The following CACNA1H variants were observed in gnomAD, a reference collection of about 807,000 sequenced individuals.
CACNA1H encodes calcium voltage-gated channel subunit alpha1 H, also known as voltage-dependent T-type calcium channel subunit alpha-1H.
A neutral mutation model predicts 192.5 loss-of-function variants in CACNA1H; 149 were observed. The ratio of observed to expected loss-of-function variants is 0.77; its 90% CI spans 0.68 to 0.89. CACNA1H has a LOEUF of 0.89. CACNA1H is among the 40% of genes least tolerant of loss of function. The pLI is 0.00. For missense variants in CACNA1H, 4,257 were observed against 3,423.5 expected, an observed-to-expected ratio of 1.24 and a Z score of -6.08; for synonymous variants, 2,202 against 1,475.2, an observed-to-expected ratio of 1.49 and a Z score of -11.29.
At chr16:1,168,542 A>C (rs1337409084) in intron 2 of CACNA1H, among the ~76,000 whole-genome samples, 2 of 151,880 alleles carry the variant, frequency 1.3e-5, no homozygotes, top group East Asian at 3.9e-4. Flanking sequence ...CCCTGGAGGC[A>C]GGGAGGGCTC....
chr16:1,221,234 C>G lies in CACNA1H; in HGVS notation c.*240C>G, dbSNP rs1004786880. On this transcript the variant is annotated 3_prime_UTR_variant, in exon 35 of 35. Transcript: ENST00000348261. ...CTCCGAGTTTTGCTACCAGCCGAGG[C>G]TGTGCGGGCAACTGGGTCAGCCTCC... The G allele has an allele frequency of 4.0e-6, 2 of 503,280 alleles. No individual in the cohort carries two copies. The highest frequency in any genetic ancestry group is 3.8e-5 in the African/African-American group (2 of 52,026). 31.2% of individuals were successfully genotyped at this position (503,280 alleles called of 1,614,324 possible).
chr16:1,209,298 G>C lies in CACNA1H; in HGVS notation c.3630G>C (p.Pro1210=). ...GGCCCCTGCGGCCGGCCGCCCTCCC[G>C]CCTACCAAGTGCCGCGATCGCGACG... ...DPRPLRPAAL[P]PTKCRDRDGQ... is the part of the protein sequence containing the mutation. Residue 1210 remains proline (P), a synonymous_variant, in exon 17 of 35, where the codon CCG becomes CCC. Transcript: ENST00000348261. 1 of 1,589,714 alleles carries C rather than the reference G, an allele frequency of 6.3e-7. No individual in the cohort carries two copies. Among genetic ancestry groups the C allele is most frequent in the Non-Finnish European group, 8.5e-7 (1 of 1,174,908 alleles).
At chr16:1,203,098 C>T (rs1421350390) in intron 9 of CACNA1H, among the ~76,000 whole-genome samples, 2 of 151,996 alleles carry the variant, frequency 1.3e-5, no homozygotes, top group African/African-American at 4.8e-5. Flanking sequence ...GGGAGAGGTG[C>T]GAGCGAGGGT....
intron 34 of CACNA1H, 46 bp downstream of exon 34, chr16:1,219,176 G>A (rs1970281360): frequency 6.8e-7 from 1 of 1,469,358 alleles, no homozygotes; most frequent in Non-Finnish European, 9.0e-7. Context: ...GGGGATGGGG[G>A]GCTTGCAGGG....
chr16:1,186,256 T>G (rs937214944), intron 2 of CACNA1H, among the ~76,000 whole-genome samples: 6 of 151,860 alleles, frequency 4.0e-5, no homozygotes, highest in African/African-American at 1.5e-4. Context: ...CTTAGTGGTG[T>G]TTTGAATAAG....
chr16:1,169,496 T>G (rs1555502290), intron 2 of CACNA1H, among the ~76,000 whole-genome samples: 2 of 152,158 alleles, frequency 1.3e-5, no homozygotes, highest in Non-Finnish European at 2.9e-5. Flanking sequence ...CAGCAGGGCT[T>G]GGCGGGCACA....
At chr16:1,185,166 T>A (rs1293491409) in intron 2 of CACNA1H, among the ~76,000 whole-genome samples, 3 of 152,202 alleles carry the variant, frequency 2.0e-5, no homozygotes, top group African/African-American at 7.2e-5. Flanking sequence ...TTCACCTGTG[T>A]TGTGGCGTGT....
chr16:1,205,179 G>A lies in CACNA1H; in HGVS notation c.2517G>A (p.Glu839=). ...TGTTCACCAGCATGTTTGCCCTGGA[G>A]ATGCTGCTGAAGCTGCTGGCCTGCG... ...NIVFTSMFAL[E]MLLKLLACGP... is the part of the protein sequence containing the mutation. Residue 839 remains glutamate, a synonymous_variant, in exon 11 of 35, where the codon GAG becomes GAA. Transcript: ENST00000348261. 1.2e-6 allele frequency: 2 copies of A among 1,613,158 alleles called. No homozygotes were observed. Among genetic ancestry groups the A allele is most frequent in the Non-Finnish European group, 1.7e-6 (2 of 1,179,772 alleles).
At chr16:1,199,420 A>C (rs1332702706) in intron 6 of CACNA1H, among the ~76,000 whole-genome samples, 1 of 17,604 alleles carries the variant, frequency 5.7e-5, no homozygotes, top group Non-Finnish European at 1.0e-4. Context: ...CCCCACCCCC[A>C]TCATGGCTCC....
Position 1,221,711 on chromosome 16 carries a change from A to C in CACNA1H, c.*717A>C. ...TGCAATAATCTGATGCAGAAGACTC[A>C]GCTTCTCAAGGGAGAGGGAGGGGGC... On this transcript the variant is annotated 3_prime_UTR_variant, in exon 35 of 35. Transcript: ENST00000348261. 7.4e-7 allele frequency: 1 copy of C among 1,357,762 alleles called. No homozygotes were observed. The highest frequency in any genetic ancestry group is 9.9e-7 in the Non-Finnish European group (1 of 1,005,382). The allele number at this position is 1,357,762 out of a possible 1,614,324, so 84.1% of individuals were successfully genotyped here.
intron 11 of CACNA1H, 46 bp from the exon 12 acceptor site, chr16:1,206,058 G>A (rs767525285): frequency 2.6e-6 from 4 of 1,513,936 alleles, no homozygotes; most frequent in Non-Finnish European, 2.7e-6. Flanking sequence ...AGGGCCTGGG[G>A]TCAGGGATCG....
Position 1,195,021 on chromosome 16 carries a change from C to T in CACNA1H, c.349C>T (p.Leu117=). 2 of 1,612,140 alleles carry T rather than the reference C, an allele frequency of 1.2e-6. No individual in the cohort carries two copies. ...MLVIMLNCVT[L]GMFRPCEDVE... Reference sequence around the variant, plus strand: ...GGTAATCATGCTCAACTGCGTGACCCTGGGCATGTTCCGGCCCTGTGAGGA... The same window carrying T: ...GGTAATCATGCTCAACTGCGTGACCTTGGGCATGTTCCGGCCCTGTGAGGA... Residue 117 remains leucine, a synonymous_variant, in exon 3 of 35, where the codon CTG becomes TTG. Coordinates refer to ENST00000348261, the MANE Select transcript of CACNA1H (RefSeq NM_021098.3).
rs1361141049 is a variant in CACNA1H, at chr16:1,180,757, C to T, written c.300-14215C>T. Among the ~76,000 whole-genome samples the T allele has an allele frequency of 6.6e-6, 1 of 152,106 alleles. No individual in the cohort carries two copies. On this transcript the variant is annotated intron_variant, in intron 2 of 34. Coordinates refer to ENST00000348261, the MANE Select transcript of CACNA1H (RefSeq NM_021098.3). The surrounding 1 kb of genome is among the most constrained non-coding windows in gnomAD (Gnocchi z 4.4). ...GGGCTGGGATGCCGCCGAATAGGGG[C>T]CTGTGGCTCCCACAGGGAGGCCCCT...
intron 6 of CACNA1H, chr16:1,198,986 A>G: frequency 4.5e-6 from 2 of 442,212 alleles, no homozygotes; most frequent in Middle Eastern, 5.9e-4. Context: ...TCACCGCCCC[A>G]CATGGCTCCG....
At chr16:1,198,802 C>T (rs745388113) in intron 6 of CACNA1H, 28 bp downstream of exon 6, 1 of 1,591,178 alleles carries the variant, frequency 6.3e-7, no homozygotes, top group East Asian at 2.3e-5. Context: ...CCGTGAGGCC[C>T]CTGCCCAGAT....
intron 2 of CACNA1H, among the ~76,000 whole-genome samples, chr16:1,172,547 C>A (rs1177590849): frequency 6.6e-6 from 1 of 152,184 alleles, no homozygotes; most frequent in Non-Finnish European, 1.5e-5. Context: ...TGGAGGGAAC[C>A]CCGAGGCGTG....
chr16:1,186,744 C>T (rs989529877), intron 2 of CACNA1H, among the ~76,000 whole-genome samples: 1 of 152,174 alleles, frequency 6.6e-6, no homozygotes, highest in African/African-American at 2.4e-5. Flanking sequence ...GCTTCCTGGC[C>T]GGTGAATGTG....
In CACNA1H at chr16:1,195,352, G is replaced by A. The variant is rs1444777127; in HGVS notation, c.412-80G>A. The stretch of plus-strand genomic sequence containing the variant: ...GAGGGGTGTGGCAAGACTGGGGGCC[G>A]GGCTCTTGCGGGGCTGGGGTTGGGG... On this transcript the variant is annotated intron_variant, in intron 3 of 34. Transcript: ENST00000348261. 27 of 1,526,804 alleles carry A rather than the reference G, an allele frequency of 1.8e-5. No homozygotes were observed. The East Asian group carries it at 2.2e-4, about 13-fold the overall frequency. 94.6% of individuals were successfully genotyped at this position (1,526,804 alleles called of 1,614,324 possible).
At chr16:1,166,199 C>T (rs954587935) in intron 2 of CACNA1H, among the ~76,000 whole-genome samples, 1 of 152,172 alleles carries the variant, frequency 6.6e-6, no homozygotes, top group African/African-American at 2.4e-5. Context: ...CCTCTTGCCC[C>T]TGGGGGCAGG....
Sources: allele counts gnomAD v4.1 joint callset (sites outside exome capture counted in the v4.1 genomes callset), GRCh38; gene constraint gnomAD v4.1.1; non-coding constraint Gnocchi (gnomAD v3.1); transcripts MANE v1.5; gene names NCBI Gene and HGNC (gene_info 2026-07-23, HGNC 2026-07-21).